The following SLC39A14 variants were observed in gnomAD, a reference collection of about 807,000 sequenced individuals.
SLC39A14 encodes solute carrier family 39 member 14.
Under a neutral mutation model 45.5 loss-of-function variants are expected in SLC39A14, and 19 were observed. That is an observed-to-expected ratio of 0.42 (90% CI 0.29 to 0.61). The LOEUF (loss-of-function observed/expected upper bound fraction) is 0.61. Ranked by LOEUF, SLC39A14 falls within the 20% of genes least tolerant of loss-of-function variation. The pLI is 0.22. For synonymous variants in SLC39A14, 264 were observed against 251.3 expected (o/e 1.05, Z -0.48); for missense variants, 447 against 616.5 (o/e 0.73, Z 2.91).
At position 22,416,137 on chromosome 8, in the gene SLC39A14, C is replaced by T. The variant is rs1465451489; in HGVS notation, c.1004C>T (p.Thr335Ile). 1.9e-6 allele frequency: 3 copies of T among 1,614,022 alleles called. No individual in the cohort carries two copies. The highest frequency in any genetic ancestry group is 2.5e-6 in the Non-Finnish European group (3 of 1,180,036). ...GGTGTCCGCTACTCTGATATCGGCACTCTGGCCTGGATGATCACTCTGAGC... is the reference window on the plus strand; with the variant it reads ...GGTGTCCGCTACTCTGATATCGGCATTCTGGCCTGGATGATCACTCTGAGC... The part of the protein sequence containing the change: ...LKGVRYSDIG[T>I]LAWMITLSDG... The change falls in exon 7 of 9, where the codon ACT becomes ATT. Residue 335 changes from threonine (T) to isoleucine (I), a missense_variant. Around this residue, in one of 2 missense-constraint regions of SLC39A14, gnomAD observed 342 missense variants for 428.1 expected, o/e 0.80. Coordinates refer to ENST00000381237, the MANE Select transcript of SLC39A14 (RefSeq NM_001128431.4).
chr8:22,414,752 A>G (rs1401868817), intron 4 of SLC39A14, 28 bp from the exon 5 acceptor site: 1 of 1,582,094 alleles, frequency 6.3e-7, no homozygotes, highest in Admixed American at 2.0e-5. Flanking sequence ...TTTTCTTTAA[A>G]ACTCATTTTC....
downstream of SLC39A14, among the ~76,000 whole-genome samples, chr8:22,426,002 CTG>C (rs569977573): frequency 2.9e-4 from 44 of 151,326 alleles, no homozygotes; most frequent in African/African-American, 9.9e-4. Flanking sequence ...AGCGATTCTC[CTG>C]TCTCAGCCTT....
chr8:22,407,752 G>C (rs1218319250), intron 2 of SLC39A14, among the ~76,000 whole-genome samples: 1 of 151,232 alleles, frequency 6.6e-6, no homozygotes, highest in Non-Finnish European at 1.5e-5. Context: ...TGTCACCCAG[G>C]CTGGAGTGCA....
At chr8:22,383,818 C>T (rs564482179) in intron 1 of SLC39A14, among the ~76,000 whole-genome samples, 2 of 152,278 alleles carry the variant, frequency 1.3e-5, no homozygotes, top group South Asian at 4.2e-4. Context: ...CAATGCTGAC[C>T]GTTTCTCCAG....
In SLC39A14 at chr8:22,430,841, C is replaced by T. The variant is rs546800345; in HGVS notation, c.1333-3050C>T. ...GCCTGTGCCATCATGCCCAGCTAAT[C>T]GTTGTGTTTTTAGTAGAAACAAGGT... is the stretch of plus-strand genomic sequence containing the variant. On this transcript the variant is annotated intron_variant, in intron 8 of 8. Coordinates refer to the SLC39A14 transcript ENST00000240095. 1.8e-4 allele frequency among the ~76,000 whole-genome samples: 27 copies of T among 151,814 alleles called. 1 individual carries two copies. The South Asian group carries it at 3.3e-3, about 19-fold the overall frequency.
chr8:22,398,772 A>C lies in SLC39A14; in HGVS notation c.-15-5924A>C, dbSNP rs375599084. 22 of 985,078 alleles carry C rather than the reference A, an allele frequency of 2.2e-5. No individual in the cohort carries two copies. In the African/African-American group the frequency reaches 2.8e-4, roughly 12 times the overall value. The allele number at this position is 985,078 out of a possible 1,614,324, so 61.0% of individuals were successfully genotyped here. On this transcript the variant is annotated intron_variant, in intron 1 of 8. Transcript: ENST00000381237. ...AGAAGTGCCGCTTCTAGGCAGAGCT[A>C]CTTCTGGACCAAGTGAAGGGTGACG...
At chr8:22,369,198 T>C (rs1049376908) in intron 1 of SLC39A14, among the ~76,000 whole-genome samples, 3 of 152,172 alleles carry the variant, frequency 2.0e-5, no homozygotes, top group Non-Finnish European at 4.4e-5. Flanking sequence ...ATACTGTCTC[T>C]TCCCAAAGGG....
At chr8:22,400,336 G>A (rs1834784060) in intron 1 of SLC39A14, among the ~76,000 whole-genome samples, 1 of 152,200 alleles carries the variant, frequency 6.6e-6, no homozygotes, top group Non-Finnish European at 1.5e-5. Flanking sequence ...AAAGGAACTG[G>A]GGAATGCCAA....
intron 1 of SLC39A14, among the ~76,000 whole-genome samples, chr8:22,389,475 C>T (rs1011240805): frequency 5.3e-5 from 8 of 150,122 alleles, no homozygotes; most frequent in African/African-American, 2.0e-4. Flanking sequence ...GTGGGGTAGG[C>T]TGGGGGCAGG....
intron 3 of SLC39A14, among the ~76,000 whole-genome samples, chr8:22,408,888 A>G (rs894698134): frequency 1.3e-5 from 2 of 149,494 alleles, no homozygotes; most frequent in African/African-American, 2.5e-5. Flanking sequence ...TGGTGCAATC[A>G]TAGCTCACTG....
rs1257519031 is a variant in SLC39A14, at chr8:22,421,253, A to G, written c.*1555A>G. 9.7e-5 allele frequency: 96 copies of G among 985,722 alleles called. No homozygotes were observed. The highest frequency in any genetic ancestry group is 1.1e-4 in the Non-Finnish European group (94 of 829,944). The allele number at this position is 985,722 out of a possible 1,614,324, so 61.1% of individuals were successfully genotyped here. On this transcript the variant is annotated 3_prime_UTR_variant, in exon 9 of 9. Transcript: ENST00000381237. ...ACCAATGCCTGAGCTTTTCTCTTACATAGAAAAACTGTCCGCTCTCAGTAA... is the reference window on the plus strand; with the variant it reads ...ACCAATGCCTGAGCTTTTCTCTTACGTAGAAAAACTGTCCGCTCTCAGTAA...
chr8:22,380,842 A>G (rs1426077920), intron 1 of SLC39A14, among the ~76,000 whole-genome samples: 3 of 151,708 alleles, frequency 2.0e-5, no homozygotes, highest in Admixed American at 2.0e-4. Context: ...ATGCCAAGCT[A>G]ATTATTGTAT....
At chr8:22,411,915 C>T in intron 3 of SLC39A14, 122 bp from the exon 4 acceptor site, 1 of 898,592 alleles carries the variant, frequency 1.1e-6, no homozygotes, top group Admixed American at 2.8e-5. Context: ...ATCCACCAAA[C>T]TTTTCCTTGC....
intron 4 of SLC39A14, among the ~76,000 whole-genome samples, chr8:22,413,418 A>G (rs557362269): frequency 1.3e-5 from 2 of 152,262 alleles, no homozygotes; most frequent in African/African-American, 4.8e-5. Context: ...CTGAAGCTCA[A>G]CCCCATGATT....
rs374392111 is a variant in SLC39A14 at position 22,404,421 on chromosome 8, C to A, written c.-15-275C>A. ...CAGCCTGGGCAACGAGTGAATCTCC[C>A]GTCTCAAAAAAAAAAAAAAATCATA... On this transcript the variant is annotated intron_variant, in intron 1 of 8. Coordinates refer to ENST00000381237, the MANE Select transcript of SLC39A14 (RefSeq NM_001128431.4). The A allele has an allele frequency of 1.4e-5, 4 of 277,250 alleles. No individual in the cohort carries two copies. In the South Asian group the frequency reaches 2.5e-4, roughly 17 times the overall value. The allele number at this position is 277,250 out of a possible 1,614,324, so 17.2% of individuals were successfully genotyped here.
intron 8 of SLC39A14, among the ~76,000 whole-genome samples, chr8:22,419,333 G>A (rs1022929908): frequency 6.6e-6 from 1 of 152,052 alleles, no homozygotes; most frequent in Admixed American, 6.6e-5. Context: ...ACAGGCCTGC[G>A]CCACCACGCC....
intron 1 of SLC39A14, chr8:22,379,554 A>G (rs1179138946): frequency 6.6e-6 from 1 of 152,210 alleles, no homozygotes; most frequent in Non-Finnish European, 1.5e-5. Context: ...TGTCCTTAAG[A>G]TCCAGACACT....
intron 1 of SLC39A14, chr8:22,398,862 TC>T: frequency 2.0e-6 from 1 of 507,344 alleles, no homozygotes; most frequent in Non-Finnish European, 2.5e-6. Context: ...CATAGAGGGT[TC>T]CAGAACAGGT....
At chr8:22,370,155 TGTGTGTGTGCACATCTGTGCACATGTGC>T (rs1208051602) in intron 1 of SLC39A14, among the ~76,000 whole-genome samples, 2 of 151,980 alleles carry the variant, frequency 1.3e-5, no homozygotes, top group African/African-American at 4.8e-5. Context: ...TGTGCTTGTG[TGTGTGTGTGCACATCTGTGCACATGTGC>T]GTGTGCGTGT....
Sources: gnomAD v4.1 joint callset for allele counts (sites outside exome capture counted in the v4.1 genomes callset) on GRCh38, gnomAD v4.1.1 for gene constraint, gnomAD v4.1.1 regional missense constraint, MANE v1.5 for transcripts, NCBI Gene and HGNC (gene_info 2026-07-23, HGNC 2026-07-21) for gene names.